GPM6A: variants seen among roughly 807,000 people sequenced by gnomAD.
GPM6A encodes the protein neuronal membrane glycoprotein M6-a.
A neutral mutation model predicts 32.1 loss-of-function variants in GPM6A; 7 were observed. The observed-to-expected ratio is 0.22, with a 90% confidence interval of 0.12 to 0.41. GPM6A has a LOEUF of 0.41. Among genes scored for constraint, GPM6A ranks in the 10% least tolerant of loss-of-function variants. The pLI is 1.00. For synonymous variants in GPM6A, 130 were observed against 123.4 expected (o/e 1.05, Z -0.35); for missense variants, 235 against 347.2 (o/e 0.68, Z 2.57).
chr4:175,998,149 CT>C (rs71595498), intron 1 of GPM6A, among the ~76,000 whole-genome samples: 19,038 of 147,754 alleles, frequency 0.13, 1,278 homozygotes, highest in East Asian at 0.22. Context: ...GCTATTACCT[CT>C]TTTTTTTTTT....
At chr4:175,867,465 TAGGG>T (rs1736776046) in intron 1 of GPM6A, among the ~76,000 whole-genome samples, 1 of 152,132 alleles carries the variant, frequency 6.6e-6, no homozygotes, top group African/African-American at 2.4e-5. Context: ...TTGTTTTACC[TAGGG>T]ATGTACAGTT....
At chr4:175,975,914 G>A (rs1198908293) in intron 1 of GPM6A, among the ~76,000 whole-genome samples, 3 of 151,996 alleles carry the variant, frequency 2.0e-5, no homozygotes, top group African/African-American at 7.2e-5. Context: ...TGCTTATACC[G>A]TTAAAAAGAT....
At chr4:175,703,788 C>T (rs1250987393) in intron 1 of GPM6A, among the ~76,000 whole-genome samples, 1 of 152,150 alleles carries the variant, frequency 6.6e-6, no homozygotes, top group Non-Finnish European at 1.5e-5. Flanking sequence ...GATGAGAGAG[C>T]TGACAGGCTA....
intron 1 of GPM6A, among the ~76,000 whole-genome samples, chr4:175,752,788 T>C (rs181988429): frequency 6.6e-6 from 1 of 152,296 alleles, no homozygotes. Flanking sequence ...TATGCCATCT[T>C]CCTCTCTTAA....
intron 1 of GPM6A, among the ~76,000 whole-genome samples, chr4:175,917,993 A>G (rs572910386): frequency 1.3e-5 from 2 of 152,270 alleles, no homozygotes; most frequent in East Asian, 1.9e-4. Flanking sequence ...AGTAACTGAA[A>G]TAGCTGCTTT....
At chr4:175,846,300 A>G (rs994347009) in intron 1 of GPM6A, among the ~76,000 whole-genome samples, 2 of 152,148 alleles carry the variant, frequency 1.3e-5, no homozygotes, top group Admixed American at 1.3e-4. Flanking sequence ...CAAATTTTGT[A>G]CACGTTTTTG....
chr4:175,734,798 G>C (rs1731592591), intron 1 of GPM6A, among the ~76,000 whole-genome samples: 1 of 152,212 alleles, frequency 6.6e-6, no homozygotes, highest in Admixed American at 6.5e-5. Flanking sequence ...GCTTGAACCT[G>C]GGAAGTGAAG....
At chr4:175,817,023 A>G (rs1735125783), upstream of GPM6A, among the ~76,000 whole-genome samples, 2 of 151,604 alleles carry the variant, frequency 1.3e-5, no homozygotes, top group Admixed American at 1.3e-4. Flanking sequence ...CGCCCGGCTA[A>G]TTTTTTTTGT....
At chr4:175,955,791 T>C (rs1019160433) in intron 1 of GPM6A, among the ~76,000 whole-genome samples, 1 of 152,296 alleles carries the variant, frequency 6.6e-6, no homozygotes, top group South Asian at 2.1e-4. Flanking sequence ...GATCCATTCC[T>C]GAACATCTAG....
At chr4:175,771,075 G>A in intron 1 of GPM6A, among the ~76,000 whole-genome samples, 1 of 152,248 alleles carries the variant, frequency 6.6e-6, no homozygotes. Flanking sequence ...CGGGAAGAAT[G>A]GGGTATTTTA....
chr4:175,958,579 T>C (rs955031848), intron 1 of GPM6A, among the ~76,000 whole-genome samples: 1 of 152,222 alleles, frequency 6.6e-6, no homozygotes. Flanking sequence ...CCCCCATTCA[T>C]TGACCAGGAG....
At chr4:175,767,613 C>T (rs1184135395) in intron 1 of GPM6A, among the ~76,000 whole-genome samples, 1 of 152,214 alleles carries the variant, frequency 6.6e-6, no homozygotes, top group Non-Finnish European at 1.5e-5. Context: ...TAACTACACA[C>T]CAATTGTGCA....
intron 1 of GPM6A, among the ~76,000 whole-genome samples, chr4:175,890,487 A>AATTTTATTTTATTTT (rs56214315): frequency 1.4e-3 from 184 of 127,746 alleles, no homozygotes; most frequent in African/African-American, 4.2e-3. Context: ...TGTTTAGAGC[A>AATTTTATTTTATTTT]ATTTTATTTT....
At chr4:175,767,263 C>T (rs1733009547) in intron 1 of GPM6A, among the ~76,000 whole-genome samples, 2 of 152,112 alleles carry the variant, frequency 1.3e-5, no homozygotes, top group African/African-American at 4.8e-5. Flanking sequence ...TGGAATAGCT[C>T]TTGAAAGCCA....
intron 1 of GPM6A, among the ~76,000 whole-genome samples, chr4:175,731,508 A>T (rs1288873817): frequency 6.6e-6 from 1 of 152,010 alleles, no homozygotes; most frequent in African/African-American, 2.4e-5. Flanking sequence ...AAGGCGCAGC[A>T]GGTTTTTGCT....
chr4:175,904,165 C>G (rs1017416630), intron 1 of GPM6A, among the ~76,000 whole-genome samples: 9 of 151,892 alleles, frequency 5.9e-5, no homozygotes, highest in Admixed American at 3.3e-4. Flanking sequence ...TATTATCATT[C>G]TTAATAAAAA....
At chr4:175,936,758 T>C (rs1034263219) in intron 1 of GPM6A, among the ~76,000 whole-genome samples, 4 of 152,036 alleles carry the variant, frequency 2.6e-5, no homozygotes, top group Admixed American at 1.3e-4. Context: ...AGCTAAAAGA[T>C]AAGCACAAGA....
intron 1 of GPM6A, among the ~76,000 whole-genome samples, chr4:175,786,212 G>A (rs771204265): frequency 4.6e-5 from 7 of 151,858 alleles, no homozygotes; most frequent in African/African-American, 7.3e-5. Context: ...CAAACACCAT[G>A]AATTGAGAAT....
At chr4:175,831,861 G>A (rs981778112) in intron 1 of GPM6A, among the ~76,000 whole-genome samples, 4 of 151,576 alleles carry the variant, frequency 2.6e-5, no homozygotes, top group African/African-American at 9.7e-5. Flanking sequence ...TGGGACTGCA[G>A]ACACGTGCCA....
Sources: allele counts gnomAD v4.1 joint callset (sites outside exome capture counted in the v4.1 genomes callset), GRCh38; gene constraint gnomAD v4.1.1; transcripts MANE v1.5; gene names NCBI Gene and HGNC (gene_info 2026-07-23, HGNC 2026-07-21).